Variants in SGCD observed in about 807,000 individuals in gnomAD.
The protein encoded by SGCD is delta-sarcoglycan.
A neutral mutation model predicts 36.6 loss-of-function variants in SGCD; 18 were observed. That is an observed-to-expected ratio of 0.49 (90% CI 0.34 to 0.73). The LOEUF (loss-of-function observed/expected upper bound fraction) is 0.73, where lower values mean the gene tolerates loss of function less well. SGCD is among the 30% of genes least tolerant of loss of function. The pLI, the probability that SGCD is intolerant of heterozygous loss-of-function variation, is 0.01. For missense variants in SGCD, 387 were observed against 346.7 expected (o/e 1.12, Z -0.92); for synonymous variants, 133 against 130.6 (o/e 1.02, Z -0.12).
At chr5:156,649,318 C>G (rs1443148851) in intron 7 of SGCD, among the ~76,000 whole-genome samples, 1 of 152,102 alleles carries the variant, frequency 6.6e-6, no homozygotes, top group Non-Finnish European at 1.5e-5. Context: ...CCTCAGGGAT[C>G]TAGAACTGGA....
chr5:155,944,939 G>A (rs1032023292), intron 1 of SGCD, among the ~76,000 whole-genome samples: 5 of 152,082 alleles, frequency 3.3e-5, no homozygotes, highest in Non-Finnish European at 7.4e-5. Context: ...ATAAGGGAGT[G>A]TAAATCTCAC....
At chr5:156,267,500 A>G (rs551467394) in intron 3 of SGCD, among the ~76,000 whole-genome samples, 1 of 152,338 alleles carries the variant, frequency 6.6e-6, no homozygotes, top group South Asian at 2.1e-4. Flanking sequence ...GCCGGATCCA[A>G]GGCTTTCTAG....
chr5:156,183,155 A>G (rs980312383), intron 3 of SGCD, among the ~76,000 whole-genome samples: 4 of 152,088 alleles, frequency 2.6e-5, no homozygotes, highest in Non-Finnish European at 5.9e-5. Context: ...TGCTGGAGAA[A>G]GATATGTGGA....
chr5:155,842,645 A>G, the SGCD span, among the ~76,000 whole-genome samples: 1 of 152,126 alleles, frequency 6.6e-6, no homozygotes. Context: ...GTTGGTGTCT[A>G]GTGGTGGGGG....
the SGCD span, among the ~76,000 whole-genome samples, chr5:155,805,092 G>C: frequency 6.6e-6 from 1 of 152,022 alleles, no homozygotes; most frequent in African/African-American, 2.4e-5. Flanking sequence ...ATGATTAGTA[G>C]CTACTGTATT....
chr5:156,685,614 C>T (rs116329504), intron 7 of SGCD, among the ~76,000 whole-genome samples: 284 of 152,228 alleles, frequency 1.9e-3, no homozygotes, highest in Non-Finnish European at 3.5e-3. Context: ...TTATGTGCTG[C>T]CTTGGAACCC....
At chr5:156,745,458 A>C (rs1756901722) in intron 7 of SGCD, among the ~76,000 whole-genome samples, 1 of 152,128 alleles carries the variant, frequency 6.6e-6, no homozygotes, top group African/African-American at 2.4e-5. Context: ...ACAAATGCAA[A>C]TCCTCTCTAG....
At chr5:156,348,390 T>A (rs1331119201) in intron 3 of SGCD, among the ~76,000 whole-genome samples, 1 of 152,146 alleles carries the variant, frequency 6.6e-6, no homozygotes, top group East Asian at 1.9e-4. Flanking sequence ...CTAGATCTGA[T>A]AAACTAAATT....
At chr5:156,626,490 G>T (rs144794324) in intron 6 of SGCD, among the ~76,000 whole-genome samples, 4 of 152,264 alleles carry the variant, frequency 2.6e-5, no homozygotes, top group Admixed American at 6.5e-5. Context: ...TTTGGAGTGG[G>T]GAAGACAGAA....
chr5:156,428,377 G>C (rs1773768047), intron 3 of SGCD, among the ~76,000 whole-genome samples: 1 of 151,808 alleles, frequency 6.6e-6, no homozygotes, highest in Non-Finnish European at 1.5e-5. Flanking sequence ...GTGATATTGG[G>C]TGTAATATCT....
chr5:155,747,928 T>G, the SGCD span, among the ~76,000 whole-genome samples: 1 of 152,146 alleles, frequency 6.6e-6, no homozygotes, highest in Non-Finnish European at 1.5e-5. Context: ...TATCTGCACA[T>G]TGTTGCTAGG....
intron 1 of SGCD, among the ~76,000 whole-genome samples, chr5:156,098,644 A>ATGT (rs1342700359): frequency 3.3e-5 from 5 of 150,862 alleles, no homozygotes; most frequent in Non-Finnish European, 7.4e-5. Context: ...GTGTATACAC[A>ATGT]CACACACACA....
intron 3 of SGCD, among the ~76,000 whole-genome samples, chr5:156,376,580 C>A (rs1359790219): frequency 6.6e-6 from 1 of 152,108 alleles, no homozygotes; most frequent in African/African-American, 2.4e-5. Flanking sequence ...TAAATATACC[C>A]ATTTACAAAT....
the SGCD span, among the ~76,000 whole-genome samples, chr5:155,834,017 G>T: frequency 6.6e-6 from 1 of 152,166 alleles, no homozygotes. Context: ...TGTGGCTATG[G>T]CCCTTGCTGT....
At chr5:156,079,622 G>C (rs1027990025) in intron 1 of SGCD, among the ~76,000 whole-genome samples, 5 of 152,224 alleles carry the variant, frequency 3.3e-5, no homozygotes, top group African/African-American at 1.2e-4. Flanking sequence ...CAGGCTCCAT[G>C]AGAGTTCAAA....
Position 156,647,495 on chromosome 5 carries a change from A to G in SGCD, c.534A>G (p.Ile178Met), listed in dbSNP as rs1474496504. ...AGGGCACAGTGTTCCCTAAATCTAT[A>G]GAAACACCTAATGTCAGGGCAGACC... The part of the protein sequence containing the change: ...GAEGTVFPKS[I>M]ETPNVRADPF... Residue 178 changes from isoleucine to methionine, a missense_variant, in exon 7 of 9, where the codon ATA (isoleucine) becomes ATG (methionine). Transcript: ENST00000337851. 1 of 1,587,710 alleles carries G rather than the reference A, an allele frequency of 6.3e-7. No homozygotes were observed. The highest frequency in any genetic ancestry group is 8.6e-7 in the Non-Finnish European group (1 of 1,165,250).
chr5:155,871,639 T>A (rs1755656675), intron 1 of SGCD, among the ~76,000 whole-genome samples: 1 of 152,038 alleles, frequency 6.6e-6, no homozygotes, highest in South Asian at 2.1e-4. Context: ...TGAGCATCAG[T>A]GGTGTAGCAG....
intron 1 of SGCD, among the ~76,000 whole-genome samples, chr5:156,114,410 C>T (rs1761862512): frequency 6.6e-6 from 1 of 152,102 alleles, no homozygotes; most frequent in African/African-American, 2.4e-5. Context: ...ACGTATTTGT[C>T]ATATCCCTTC....
chr5:156,078,516 A>T (rs1477157262), intron 1 of SGCD, among the ~76,000 whole-genome samples: 12 of 132,652 alleles, frequency 9.0e-5, no homozygotes, highest in African/African-American at 3.7e-4. Flanking sequence ...GTCTCAAAAA[A>T]AAAAATATAT....
Sources: gnomAD v4.1 joint callset for allele counts (sites outside exome capture counted in the v4.1 genomes callset) on GRCh38, gnomAD v4.1.1 for gene constraint, MANE v1.5 for transcripts, NCBI Gene and HGNC (gene_info 2026-07-23, HGNC 2026-07-21) for gene names.